Variants in WDR72 observed in about 807,000 individuals in gnomAD.
WDR72 encodes the protein WD repeat-containing protein 72.
In WDR72, 120 loss-of-function variants were observed where a neutral mutation model predicts 124.2. The ratio of observed to expected loss-of-function variants is 0.97; its 90% confidence interval spans 0.83 to 1.12. The LOEUF is 1.12. WDR72 is among the 50% of genes most tolerant of loss of function. WDR72 has a pLI of 0.00. For missense variants in WDR72, 1,387 were observed against 1,278.8 expected, an observed-to-expected ratio of 1.08 and a Z score of -1.29; for synonymous variants, 452 against 441.7, an observed-to-expected ratio of 1.02 and a Z score of -0.29.
chr15:53,759,794 G>T (rs946578821), upstream of WDR72: 30 of 147,872 alleles, frequency 2.0e-4, no homozygotes, highest in African/African-American at 6.7e-4. Context: ...GCCGCCCGCG[G>T]GCGGGTGCAC....
chr15:53,528,427 T>C (rs986462512), intron 18 of WDR72, among the ~76,000 whole-genome samples: 2 of 152,088 alleles, frequency 1.3e-5, no homozygotes, highest in Non-Finnish European at 2.9e-5. Flanking sequence ...TTATAACTAA[T>C]AACTATTTTA....
intron 14 of WDR72, among the ~76,000 whole-genome samples, chr15:53,657,475 G>A (rs1417266526): frequency 1.3e-5 from 2 of 151,936 alleles, no homozygotes; most frequent in Non-Finnish European, 2.9e-5. Context: ...CCTAGATCAA[G>A]CTAAACACAA....
At chr15:53,638,349 C>G (rs2014703092) in intron 14 of WDR72, among the ~76,000 whole-genome samples, 1 of 152,168 alleles carries the variant, frequency 6.6e-6, no homozygotes, top group Non-Finnish European at 1.5e-5. Context: ...AATATCCAAT[C>G]TAGCAGGGCT....
chr15:53,740,027 A>T (rs2018465552), intron 1 of WDR72, among the ~76,000 whole-genome samples: 1 of 152,216 alleles, frequency 6.6e-6, no homozygotes, highest in South Asian at 2.1e-4. Flanking sequence ...TTAACATTAC[A>T]CTAAGGGATA....
At chr15:53,549,921 T>A (rs1018299456) in intron 18 of WDR72, among the ~76,000 whole-genome samples, 18 of 152,164 alleles carry the variant, frequency 1.2e-4, no homozygotes, top group Admixed American at 2.0e-4. Context: ...CCAGAGTTAT[T>A]TTGCCCATCT....
chr15:53,733,718 AT>A (rs1204768479), intron 1 of WDR72, among the ~76,000 whole-genome samples: 1 of 152,106 alleles, frequency 6.6e-6, no homozygotes, highest in African/African-American at 2.4e-5. Flanking sequence ...TATTTTACCT[AT>A]TTTTATGTTT....
intron 3 of WDR72, among the ~76,000 whole-genome samples, chr15:53,719,948 C>G (rs541686062): frequency 1.3e-5 from 2 of 151,988 alleles, no homozygotes; most frequent in Non-Finnish European, 2.9e-5. Flanking sequence ...GGGGCCAAGG[C>G]TTTTTGCCTT....
chr15:53,597,447 G>A (rs1323487390), intron 17 of WDR72, among the ~76,000 whole-genome samples, 173 bp from the exon 18 acceptor site: 1 of 151,970 alleles, frequency 6.6e-6, no homozygotes, highest in Admixed American at 6.6e-5. Flanking sequence ...GCAACAACTG[G>A]CACCCAGACT....
At chr15:53,700,836 G>A (rs1008412777) in intron 12 of WDR72, among the ~76,000 whole-genome samples, 5 of 152,120 alleles carry the variant, frequency 3.3e-5, no homozygotes. Context: ...CGGATCATAT[G>A]TCATTTTTCC....
At chr15:53,519,737 A>G (rs1190555002) in intron 19 of WDR72, among the ~76,000 whole-genome samples, 1 of 152,000 alleles carries the variant, frequency 6.6e-6, no homozygotes, top group African/African-American at 2.4e-5. Context: ...TTGAACCCAT[A>G]AAGAGATCAC....
At chr15:53,648,674 G>A (rs1410683067) in intron 14 of WDR72, among the ~76,000 whole-genome samples, 2 of 151,908 alleles carry the variant, frequency 1.3e-5, no homozygotes, top group African/African-American at 4.8e-5. Context: ...GTATATATTT[G>A]TGTGGCCACC....
intron 19 of WDR72, among the ~76,000 whole-genome samples, chr15:53,520,246 T>C (rs651435): frequency 0.14 from 20,889 of 152,146 alleles, 1,487 homozygotes; most frequent in African/African-American, 0.17. Flanking sequence ...AATACTTTTT[T>C]TCATTTTCTA....
chr15:53,682,019 T>C (rs545718642), intron 13 of WDR72, among the ~76,000 whole-genome samples: 9 of 152,216 alleles, frequency 5.9e-5, no homozygotes, highest in African/African-American at 9.7e-5. Context: ...CTAATAAAGA[T>C]TGACAAAAAC....
intron 18 of WDR72, among the ~76,000 whole-genome samples, chr15:53,572,599 T>C (rs1280882141): frequency 6.6e-6 from 1 of 152,142 alleles, no homozygotes; most frequent in Non-Finnish European, 1.5e-5. Flanking sequence ...TTCATTCAAA[T>C]GAAAAAAAAT....
chr15:53,569,737 G>A (rs1894439193), intron 18 of WDR72, among the ~76,000 whole-genome samples: 1 of 152,044 alleles, frequency 6.6e-6, no homozygotes, highest in Admixed American at 6.6e-5. Flanking sequence ...GCTGTCATGA[G>A]AGTAATGATT....
chr15:53,557,537 A>C (rs1053392382), intron 18 of WDR72, among the ~76,000 whole-genome samples: 20 of 152,094 alleles, frequency 1.3e-4, no homozygotes, highest in Non-Finnish European at 2.9e-5. Flanking sequence ...TGTCGCAAGA[A>C]ACAATGCCTT....
chr15:53,706,394 ATG>A (rs2017377522), intron 9 of WDR72, among the ~76,000 whole-genome samples: 2 of 105,502 alleles, frequency 1.9e-5, no homozygotes, highest in African/African-American at 6.1e-5. Flanking sequence ...ATATATATAT[ATG>A]GCTATGTGTA....
chr15:53,706,369 T>TATACATATATATATATATATATAC (rs2017371547), intron 9 of WDR72, among the ~76,000 whole-genome samples: 2 of 51,016 alleles, frequency 3.9e-5, no homozygotes, highest in African/African-American at 1.5e-4. Flanking sequence ...TATATATATA[T>TATACATATATATATATATATATAC]ATATATATAT....
intron 1 of WDR72, among the ~76,000 whole-genome samples, chr15:53,743,599 C>A (rs1003717166): frequency 5.3e-5 from 8 of 152,116 alleles, no homozygotes; most frequent in African/African-American, 1.9e-4. Context: ...TAGAAAAAGC[C>A]ATATGCAATG....
Sources: allele counts gnomAD v4.1 joint callset (sites outside exome capture counted in the v4.1 genomes callset), GRCh38; gene constraint gnomAD v4.1.1; transcripts MANE v1.5; gene names NCBI Gene and HGNC (gene_info 2026-07-23, HGNC 2026-07-21).